The following NFAM1 variants were observed in gnomAD, a reference collection of about 807,000 sequenced individuals.
NFAM1 encodes the protein NFAT activation molecule 1.
Under a neutral mutation model 29.0 loss-of-function variants are expected in NFAM1, and 17 were observed. The ratio of observed to expected loss-of-function variants is 0.59; its 90% CI spans 0.40 to 0.88. The LOEUF (loss-of-function observed/expected upper bound fraction) is 0.88. Ranked by LOEUF, NFAM1 falls within the 40% of genes least tolerant of loss-of-function variation. The pLI is 0.00. For synonymous variants in NFAM1, 175 were observed against 147.2 expected, an observed-to-expected ratio of 1.19 and a Z score of -1.36; for missense variants, 324 against 344.6, an observed-to-expected ratio of 0.94 and a Z score of 0.47.
chr22:42,412,275 C>T (rs1930121958), intron 1 of NFAM1, among the ~76,000 whole-genome samples: 1 of 152,042 alleles, frequency 6.6e-6, no homozygotes, highest in Admixed American at 6.6e-5. Context: ...ATCGTGTGAG[C>T]TTACCTCTGC....
intron 4 of NFAM1, among the ~76,000 whole-genome samples, chr22:42,396,863 ATGT>A (rs1410566757): frequency 6.6e-6 from 1 of 151,908 alleles, no homozygotes; most frequent in Non-Finnish European, 1.5e-5. Flanking sequence ...GGGTGAGTCA[ATGT>A]TGTGGGAACA....
Position 42,431,782 on chromosome 22 carries a change from C to A in NFAM1, c.121+455G>T, listed in dbSNP as rs1019634322. On this transcript the variant is annotated intron_variant, in intron 1 of 5. Coordinates refer to ENST00000329021, the MANE Select transcript of NFAM1 (RefSeq NM_145912.8). ...CTGTGGCTGGCCCTGGTATCCCCCCCTCCCCCCTCTCCCCGCTCTCCCTGG... is the reference window on the plus strand; with the variant it reads ...CTGTGGCTGGCCCTGGTATCCCCCCATCCCCCCTCTCCCCGCTCTCCCTGG... 4.0e-5 allele frequency among the ~76,000 whole-genome samples: 6 copies of A among 150,958 alleles called. 1 individual carries two copies. Among genetic ancestry groups the A allele is most frequent in the Non-Finnish European group, 7.4e-5 (5 of 67,706 alleles).
At position 42,383,392 on chromosome 22, in the gene NFAM1, C is replaced by T. The variant is rs934000571; in HGVS notation, c.*1769G>A. The stretch of plus-strand genomic sequence containing the variant: ...GGAGCCTGGGAGGCCCCTGTGCACA[C>T]CTGGCAGCTTCACCTCCCCAAACAG... On this transcript the variant is annotated 3_prime_UTR_variant, in exon 6 of 6. Coordinates refer to ENST00000329021, the MANE Select transcript of NFAM1 (RefSeq NM_145912.8). 1 of 152,808 alleles carries T rather than the reference C, an allele frequency of 6.5e-6. No homozygotes were observed. The highest frequency in any genetic ancestry group is 2.4e-5 in the African/African-American group (1 of 41,462). The allele number at this position is 152,808 out of a possible 1,614,324, so 9.5% of individuals were successfully genotyped here. A position where few individuals can be genotyped will look rare whatever the true frequency, so the allele number is the denominator to read the frequency against.
intron 1 of NFAM1, among the ~76,000 whole-genome samples, chr22:42,414,959 G>A (rs1039816780): frequency 3.9e-5 from 6 of 152,092 alleles, no homozygotes; most frequent in South Asian, 2.1e-4. Context: ...AAAAACAGAC[G>A]TCCGTTGTTC....
At position 42,385,049 on chromosome 22, in the gene NFAM1, A is replaced by T; in HGVS notation, c.*112T>A. ...GAAGGGCCTTGAATGTGAGGGTGAA[A>T]TGATGGGGTGTCCCTGGGGGCCTTA... On this transcript the variant is annotated 3_prime_UTR_variant, in exon 6 of 6. Coordinates refer to ENST00000329021, the MANE Select transcript of NFAM1 (RefSeq NM_145912.8). 1 of 811,108 alleles carries T rather than the reference A, an allele frequency of 1.2e-6. No individual in the cohort carries two copies. The highest frequency in any genetic ancestry group is 2.2e-6 in the Non-Finnish European group (1 of 456,932). 50.2% of individuals were successfully genotyped at this position (811,108 alleles called of 1,614,324 possible). A position where few individuals can be genotyped will look rare whatever the true frequency, so the allele number is the denominator to read the frequency against.
chr22:42,407,079 CT>C (rs1929923893), intron 3 of NFAM1, among the ~76,000 whole-genome samples: 1 of 134,600 alleles, frequency 7.4e-6, no homozygotes, highest in Admixed American at 7.3e-5. Flanking sequence ...CCGGACCTTC[CT>C]CTTTTTTTTT....
intron 1 of NFAM1, among the ~76,000 whole-genome samples, chr22:42,430,658 G>A (rs996781794): frequency 1.3e-5 from 2 of 151,832 alleles, no homozygotes; most frequent in Non-Finnish European, 2.9e-5. Context: ...TGAAAGAACA[G>A]TTTCTCTTTT....
In NFAM1 at chr22:42,413,001, C is replaced by G. The variant is rs995346707; in HGVS notation, c.122-1265G>C. On this transcript the variant is annotated intron_variant, in intron 1 of 5. Coordinates refer to ENST00000329021, the MANE Select transcript of NFAM1 (RefSeq NM_145912.8). The stretch of plus-strand genomic sequence containing the variant: ...GGGGGCTCTAACCCCTGCTGCAGGC[C>G]TCTGAGATGCTGTTTGGATCCTGGG... Among the ~76,000 whole-genome samples the G allele has an allele frequency of 2.6e-5, 4 of 152,184 alleles. No individual in the cohort carries two copies. The East Asian group carries it at 7.7e-4, about 29-fold the overall frequency.
At chr22:42,406,934 C>G (rs1402412159) in intron 3 of NFAM1, among the ~76,000 whole-genome samples, 2 of 152,134 alleles carry the variant, frequency 1.3e-5, no homozygotes, top group South Asian at 2.1e-4. Context: ...GACCACCACA[C>G]CCGGCTAATT....
chr22:42,410,658 CAAA>C (rs35345430), intron 2 of NFAM1, among the ~76,000 whole-genome samples: 12 of 119,040 alleles, frequency 1.0e-4, no homozygotes, highest in East Asian at 2.6e-4. Context: ...GACTCTGTCT[CAAA>C]AAAAAAAAAA....
Position 42,388,205 on chromosome 22 carries a change from C to T in NFAM1, c.664-1127G>A, listed in dbSNP as rs546618224. 3.9e-5 allele frequency among the ~76,000 whole-genome samples: 4 copies of T among 103,220 alleles called. No homozygotes were observed. The South Asian group carries it at 9.6e-4, about 25-fold the overall frequency. The allele number at this position is 103,220 out of a possible 152,430, so 67.7% of individuals were successfully genotyped here. On this transcript the variant is annotated intron_variant, in intron 4 of 5. Coordinates refer to ENST00000329021, the MANE Select transcript of NFAM1 (RefSeq NM_145912.8). The surrounding 1 kb of genome is among the most constrained non-coding windows in gnomAD (Gnocchi z 4.1). ...AGACAAGAGTAGGTTCGAATCTCGG[C>T]TCTGACTGCGCCAGCCAAAGGCAAC...
intron 4 of NFAM1, among the ~76,000 whole-genome samples, chr22:42,389,139 C>T (rs992098921): frequency 9.9e-5 from 15 of 152,208 alleles, no homozygotes; most frequent in African/African-American, 3.4e-4. Context: ...CATGTCTCGG[C>T]AGGGGAGTAG....
chr22:42,393,802 A>G (rs1406504262), intron 4 of NFAM1, among the ~76,000 whole-genome samples: 2 of 152,058 alleles, frequency 1.3e-5, no homozygotes, highest in Non-Finnish European at 2.9e-5. Flanking sequence ...GTCTAATTAT[A>G]TGATGGCTAT....
At chr22:42,407,812 G>A (rs1434077301) in intron 3 of NFAM1, among the ~76,000 whole-genome samples, 1 of 151,260 alleles carries the variant, frequency 6.6e-6, no homozygotes, top group East Asian at 1.9e-4. Flanking sequence ...CGCTGATATT[G>A]AACTCCTAAG....
At chr22:42,417,336 C>T (rs1930293534) in intron 1 of NFAM1, among the ~76,000 whole-genome samples, 1 of 152,134 alleles carries the variant, frequency 6.6e-6, no homozygotes, top group Admixed American at 6.5e-5. Context: ...AGGAGAAATC[C>T]CCCAGCACCA....
chr22:42,389,669 GCT>G (rs1929268134), intron 4 of NFAM1, among the ~76,000 whole-genome samples: 1 of 141,788 alleles, frequency 7.1e-6, no homozygotes, highest in Admixed American at 7.1e-5. Flanking sequence ...GGTGTTGGGG[GCT>G]GGGGGGCTGG....
chr22:42,385,099 G>T lies in NFAM1; in HGVS notation c.*62C>A. On this transcript the variant is annotated 3_prime_UTR_variant, in exon 6 of 6. Transcript: ENST00000329021. Reference sequence around the variant, plus strand: ...ACTCCCAACTCAGATCAAGTCCTTTGGTGGCAGGGGCTGCCCCGGTCCTCT... The same window carrying T: ...ACTCCCAACTCAGATCAAGTCCTTTTGTGGCAGGGGCTGCCCCGGTCCTCT... 2 of 1,263,800 alleles carry T rather than the reference G, an allele frequency of 1.6e-6. No individual in the cohort carries two copies. The highest frequency in any genetic ancestry group is 1.5e-5 in the African/African-American group (1 of 67,894). 78.3% of individuals were successfully genotyped at this position (1,263,800 alleles called of 1,614,324 possible).
chr22:42,408,097 T>A (rs988942155), intron 3 of NFAM1, among the ~76,000 whole-genome samples: 1 of 152,032 alleles, frequency 6.6e-6, no homozygotes, highest in Non-Finnish European at 1.5e-5. Flanking sequence ...TTTTGCCATG[T>A]TGGCCAGGCT....
At chr22:42,431,089 G>A (rs1930781979) in intron 1 of NFAM1, among the ~76,000 whole-genome samples, 1 of 152,186 alleles carries the variant, frequency 6.6e-6, no homozygotes, top group Non-Finnish European at 1.5e-5. Flanking sequence ...CAAGTAAGAG[G>A]ATCCTCTGAG....
Sources: allele counts gnomAD v4.1 joint callset (sites outside exome capture counted in the v4.1 genomes callset), GRCh38; gene constraint gnomAD v4.1.1; non-coding constraint Gnocchi (gnomAD v3.1); transcripts MANE v1.5; gene names NCBI Gene and HGNC (gene_info 2026-07-23, HGNC 2026-07-21).